Variants in EPHA3 observed in about 807,000 individuals in gnomAD.
EPHA3 encodes ephrin type-A receptor 3.
EPHA3 carries 42 observed loss-of-function variants against 107.1 expected under a neutral mutation model. The observed-to-expected ratio is 0.39, with a 90% CI of 0.31 to 0.51. The LOEUF is 0.51. EPHA3 is among the 20% of genes least tolerant of loss of function. EPHA3 has a pLI of 0.78. For missense variants in EPHA3, 1,183 were observed against 1,211.2 expected (o/e 0.98, Z 0.35); for synonymous variants, 461 against 424.8 (o/e 1.09, Z -1.05).
At chr3:89,427,420 T>C (rs1180590554) in intron 11 of EPHA3, among the ~76,000 whole-genome samples, 1 of 151,832 alleles carries the variant, frequency 6.6e-6, no homozygotes, top group Non-Finnish European at 1.5e-5. Context: ...TCATGATAAA[T>C]AAGACACATA....
intron 2 of EPHA3, among the ~76,000 whole-genome samples, chr3:89,205,328 T>G (rs984877002): frequency 2.6e-5 from 4 of 152,182 alleles, no homozygotes; most frequent in Admixed American, 6.5e-5. Flanking sequence ...TAAATGCCAG[T>G]TAATTATTAA....
intron 13 of EPHA3, among the ~76,000 whole-genome samples, chr3:89,436,127 T>A (rs951532570): frequency 1.3e-4 from 20 of 150,990 alleles, no homozygotes; most frequent in African/African-American, 4.6e-4. Flanking sequence ...TTTCAAAAAA[T>A]AAATAAATAA....
chr3:89,407,952 A>AGAAATGCTTTAGT, intron 8 of EPHA3, 115 bp from the exon 9 acceptor site: 1 of 1,018,356 alleles, frequency 9.8e-7, no homozygotes, highest in Non-Finnish European at 1.5e-6. Context: ...CTTTCACTAA[A>AGAAATGCTTTAGT]GCATTTAATT....
At position 89,204,456 on chromosome 3, in the gene EPHA3, A is replaced by G. The variant is rs553109462; in HGVS notation, c.154-5404A>G. 1.4e-3 allele frequency among the ~76,000 whole-genome samples: 206 copies of G among 150,336 alleles called. 2 individuals are homozygous for G. The highest frequency in any genetic ancestry group is 4.7e-3 in the African/African-American group (192 of 40,576). ...CTGTCTTCCTGACTCCTCGGCCACA[A>G]ATGTAATTCTCTGATTTGACACACC... is the stretch of plus-strand genomic sequence containing the variant. On this transcript the variant is annotated intron_variant, in intron 2 of 16. Transcript: ENST00000336596.
At chr3:89,412,121 A>G (rs1416810709) in intron 9 of EPHA3, among the ~76,000 whole-genome samples, 3 of 151,826 alleles carry the variant, frequency 2.0e-5, no homozygotes, top group South Asian at 2.1e-4. Context: ...ATAGTTTAGT[A>G]GATCTTAGAA....
At chr3:89,368,969 A>G (rs1312812734) in intron 5 of EPHA3, among the ~76,000 whole-genome samples, 1 of 150,666 alleles carries the variant, frequency 6.6e-6, no homozygotes, top group African/African-American at 2.4e-5. Flanking sequence ...GTGAAGTAAG[A>G]TGCCTAGTTC....
At chr3:89,313,902 T>C (rs1329308059) in intron 3 of EPHA3, among the ~76,000 whole-genome samples, 3 of 152,000 alleles carry the variant, frequency 2.0e-5, no homozygotes, top group African/African-American at 4.8e-5. Flanking sequence ...GGCAGGTATA[T>C]ATTTTTTATA....
At chr3:89,368,508 G>GA (rs1174368821) in intron 5 of EPHA3, among the ~76,000 whole-genome samples, 3 of 150,514 alleles carry the variant, frequency 2.0e-5, no homozygotes, top group Non-Finnish European at 4.5e-5. Context: ...AAAGGCTTAT[G>GA]AACCAGGGGA....
chr3:89,470,266 A>G (rs1397665921), intron 15 of EPHA3, among the ~76,000 whole-genome samples: 1 of 152,138 alleles, frequency 6.6e-6, no homozygotes, highest in African/African-American at 2.4e-5. Context: ...ACATAATATT[A>G]TATATGACTA....
chr3:89,386,233 A>G (rs1708618401), intron 5 of EPHA3, among the ~76,000 whole-genome samples: 1 of 152,222 alleles, frequency 6.6e-6, no homozygotes. Context: ...AATTGCCAAG[A>G]CAATCGGGAA....
At chr3:89,189,206 A>G (rs1157463590) in intron 2 of EPHA3, among the ~76,000 whole-genome samples, 1 of 152,248 alleles carries the variant, frequency 6.6e-6, no homozygotes, top group Non-Finnish European at 1.5e-5. Flanking sequence ...ACCTTAAACT[A>G]TAATTGACAT....
chr3:89,164,162 A>G (rs62274634), intron 2 of EPHA3, among the ~76,000 whole-genome samples: 15,486 of 152,268 alleles, frequency 0.1, 885 homozygotes, highest in Admixed American at 0.13. Flanking sequence ...TAGCCTAGAC[A>G]AGGAATGTCC....
At chr3:89,393,346 G>A (rs1029977219) in intron 5 of EPHA3, among the ~76,000 whole-genome samples, 4 of 152,306 alleles carry the variant, frequency 2.6e-5, no homozygotes, top group East Asian at 1.9e-4. Context: ...CAGTGCAGAA[G>A]CAGTAAAATT....
intron 2 of EPHA3, among the ~76,000 whole-genome samples, chr3:89,147,296 C>G (rs1704582809): frequency 1.3e-5 from 2 of 151,520 alleles, no homozygotes; most frequent in Non-Finnish European, 2.9e-5. Context: ...CACATATATA[C>G]CTATGTAACA....
intron 1 of EPHA3, among the ~76,000 whole-genome samples, chr3:89,125,654 A>G (rs1704080788): frequency 6.6e-6 from 1 of 151,638 alleles, no homozygotes; most frequent in African/African-American, 2.4e-5. Context: ...ATTTATTGGG[A>G]AAAAATTCTT....
rs550137435 is a variant in EPHA3, at chr3:89,428,723, C to A, written c.2075-383C>A. 2.8e-4 allele frequency among the ~76,000 whole-genome samples: 43 copies of A among 151,942 alleles called. No individual in the cohort carries two copies. The South Asian group carries it at 5.0e-3, about 18-fold the overall frequency. ...GTGCACATATAGCACATATAAATACCCATAGAAAGAATAAATAAATGTTAA... is the reference window on the plus strand; with the variant it reads ...GTGCACATATAGCACATATAAATACACATAGAAAGAATAAATAAATGTTAA... On this transcript the variant is annotated intron_variant, in intron 11 of 16. Coordinates refer to ENST00000336596, the MANE Select transcript of EPHA3 (RefSeq NM_005233.6).
intron 15 of EPHA3, among the ~76,000 whole-genome samples, chr3:89,470,608 C>A (rs1710379679): frequency 6.6e-6 from 1 of 152,174 alleles, no homozygotes; most frequent in South Asian, 2.1e-4. Flanking sequence ...CCAGGCCTTA[C>A]GGTTCCAGTA....
intron 7 of EPHA3, 181 bp downstream of exon 7, chr3:89,399,661 T>C: frequency 1.6e-6 from 2 of 1,266,506 alleles, no homozygotes; most frequent in Non-Finnish European, 2.0e-6. Context: ...TGTGTGGGTG[T>C]ACATTTTGTG....
At chr3:89,421,736 C>T (rs1409896796) in intron 11 of EPHA3, among the ~76,000 whole-genome samples, 4 of 151,150 alleles carry the variant, frequency 2.6e-5, no homozygotes, top group African/African-American at 4.8e-5. Flanking sequence ...TGATAAGCAA[C>T]ATTAAACTAT....
Sources: allele counts gnomAD v4.1 joint callset (sites outside exome capture counted in the v4.1 genomes callset), GRCh38; gene constraint gnomAD v4.1.1; transcripts MANE v1.5; gene names NCBI Gene and HGNC (gene_info 2026-07-23, HGNC 2026-07-21).